The following CAPN15 variants were observed in gnomAD, a reference collection of about 807,000 sequenced individuals.
CAPN15 encodes the protein calpain 15.
A neutral mutation model predicts 97.9 loss-of-function variants in CAPN15; 53 were observed. The observed-to-expected ratio is 0.54, with a 90% CI of 0.43 to 0.68. The LOEUF (loss-of-function observed/expected upper bound fraction) is 0.68, where lower values mean the gene tolerates loss of function less well. Ranked by LOEUF, CAPN15 falls within the 30% of genes least tolerant of loss-of-function variation. CAPN15 has a pLI of 0.00. For missense variants in CAPN15, 1,592 were observed against 1,589.8 expected (o/e 1.00, Z -0.02); for synonymous variants, 922 against 722.5 (o/e 1.28, Z -4.43).
Position 549,462 on chromosome 16 carries a change from C to T in CAPN15, c.1833C>T (p.Leu611=). The change falls in exon 6 of 14, where the codon CTC becomes CTT. Residue 611 remains leucine, a synonymous_variant. Transcript: ENST00000219611. ...CCTGTGATGAGGCCGGCTGCCTCCT[C>T]TTCTCACAGGTGGGGCGGCCTGCAG... ...MLPCDEAGCL[L]FSQAQRKQLW... 1 of 1,592,364 alleles carries T rather than the reference C, an allele frequency of 6.3e-7. No individual in the cohort carries two copies. The highest frequency in any genetic ancestry group is 8.5e-7 in the Non-Finnish European group (1 of 1,175,742).
rs753825821 is a variant in CAPN15 at position 552,521 on chromosome 16, G to A, written c.2728G>A (p.Ala910Thr). Residue 910 changes from alanine to threonine, a missense_variant, in exon 11 of 14, where the codon GCC (alanine) becomes ACC (threonine). By Grantham distance (58) the Ala-to-Thr change is moderately conservative. Around this residue, in one of 3 missense-constraint regions of CAPN15, gnomAD observed 644 missense variants for 699.6 expected, o/e 0.92. Transcript: ENST00000219611. The surrounding 1 kb of genome is among the most constrained non-coding windows in gnomAD (Gnocchi z 6.4). ...GGGGCCGCCCCTGCCGGGCACCCCT[G>A]CCCCCCAGGGTACGTGGCCCCTACC... ...HWGPPLPGTPAPQASSPSAGV... is the reference protein window; with the variant it reads ...HWGPPLPGTPTPQASSPSAGV... 6.2e-7 allele frequency: 1 copy of A among 1,601,156 alleles called. No homozygotes were observed. Among genetic ancestry groups the A allele is most frequent in the South Asian group, 1.1e-5 (1 of 90,660 alleles).
In CAPN15 at chr16:548,080, C is replaced by A; in HGVS notation, c.1242C>A (p.Gly414=). ...CCCGCGTCCTGCCCGAGCGCCCGGG[C>A]CAGTGGGCCTGCCCTGCCTGTACCC... The part of the protein sequence containing the change: ...KAARVLPERP[G]QWACPACTLL... The change falls in exon 4 of 14, where the codon GGC becomes GGA. Residue 414 remains glycine (G), a synonymous_variant. Transcript: ENST00000219611. 6.5e-7 allele frequency: 1 copy of A among 1,539,620 alleles called. No individual in the cohort carries two copies. The highest frequency in any genetic ancestry group is 8.7e-7 in the Non-Finnish European group (1 of 1,143,182).
At position 548,006 on chromosome 16, in the gene CAPN15, A is replaced by T. The variant is rs1416790384; in HGVS notation, c.1168A>T (p.Ser390Cys). 47 of 1,578,168 alleles carry T rather than the reference A, an allele frequency of 3.0e-5. No individual in the cohort carries two copies. Among genetic ancestry groups the T allele is most frequent in the Non-Finnish European group, 3.7e-5 (43 of 1,164,166 alleles). ...HCPDCGADKP[S>C]PCGRSCGRVS... ...CCCCGACTGTGGGGCCGACAAGCCCAGCCCCTGCGGCAGAAGCTGCGGACG... is the reference window on the plus strand; with the variant it reads ...CCCCGACTGTGGGGCCGACAAGCCCTGCCCCTGCGGCAGAAGCTGCGGACG... The change falls in exon 4 of 14, where the codon AGC (serine) becomes TGC (cysteine). Residue 390 changes from serine to cysteine, a missense_variant. By Grantham distance (112) the Ser-to-Cys change is moderately radical. Around this residue, in one of 3 missense-constraint regions of CAPN15, gnomAD observed 883 missense variants for 776.6 expected, o/e 1.14. Transcript: ENST00000219611.
rs9934492 is a variant in CAPN15, at chr16:541,338, C to G, written c.-23+5196C>G. Among the ~76,000 whole-genome samples the G allele has an allele frequency of 2.6e-5, 4 of 150,980 alleles. No homozygotes were observed. In the East Asian group the frequency reaches 7.8e-4, roughly 29 times the overall value. On this transcript the variant is annotated intron_variant, in intron 3 of 13. Coordinates refer to ENST00000219611, the MANE Select transcript of CAPN15 (RefSeq NM_005632.3). ...CTGGAGCCCTGTCTGCGAGTTACCC[C>G]GATGAACAGGGAGACGCGGCAGAGG...
At chr16:543,087 A>G (rs1026269891) in intron 3 of CAPN15, among the ~76,000 whole-genome samples, 3 of 152,062 alleles carry the variant, frequency 2.0e-5, no homozygotes, top group African/African-American at 2.4e-5. Context: ...GGGAGGGTCC[A>G]GGCTGCAATG....
intron 1 of CAPN15, among the ~76,000 whole-genome samples, chr16:528,355 C>T (rs1184281613): frequency 6.6e-6 from 1 of 152,212 alleles, no homozygotes; most frequent in East Asian, 1.9e-4. Context: ...CCGGAGGCGG[C>T]CTCGGCCCTG....
In CAPN15 at chr16:549,695, G is replaced by A. The variant is rs202164006; in HGVS notation, c.1923G>A (p.Ala641=). 226 of 1,563,484 alleles carry A rather than the reference G, an allele frequency of 1.4e-4. No homozygotes were observed. Among genetic ancestry groups the A allele is most frequent in the East Asian group, 7.7e-4 (32 of 41,690 alleles). Residue 641 remains alanine, a synonymous_variant, in exon 7 of 14, where the codon GCG becomes GCA. Transcript: ENST00000219611. The part of the protein sequence containing the change: ...KLHGSYFALQ[A]GRAIEGLATL... ...ACGGCTCCTACTTTGCGCTCCAGGCGGGCCGCGCCATCGAAGGCCTGGCCA... is the reference window on the plus strand; with the variant it reads ...ACGGCTCCTACTTTGCGCTCCAGGCAGGCCGCGCCATCGAAGGCCTGGCCA...
At chr16:546,718 T>G (rs2034609712) in intron 3 of CAPN15, 99 bp from the exon 4 acceptor site, 2 of 1,426,588 alleles carry the variant, frequency 1.4e-6, no homozygotes, top group Non-Finnish European at 1.9e-6. Context: ...CCCGTAGCTC[T>G]GCAGCCACAG....
At chr16:531,181 T>C (rs1305575853) in intron 1 of CAPN15, among the ~76,000 whole-genome samples, 1 of 152,192 alleles carries the variant, frequency 6.6e-6, no homozygotes, top group African/African-American at 2.4e-5. Flanking sequence ...TTCAAAAAGT[T>C]GCCCTTTATT....
chr16:541,055 A>C (rs2034077085), intron 3 of CAPN15, among the ~76,000 whole-genome samples: 1 of 152,232 alleles, frequency 6.6e-6, no homozygotes, highest in Non-Finnish European at 1.5e-5. Flanking sequence ...TGGCTTCTGA[A>C]GGCAATGTGC....
In CAPN15 at chr16:553,556, C is replaced by T. The variant is rs1427020258; in HGVS notation, c.*40C>T. 2.2e-6 allele frequency: 3 copies of T among 1,337,478 alleles called. No individual in the cohort carries two copies. The highest frequency in any genetic ancestry group is 3.1e-6 in the Non-Finnish European group (3 of 955,480). 82.9% of individuals were successfully genotyped at this position (1,337,478 alleles called of 1,614,324 possible). A position where few individuals can be genotyped will look rare whatever the true frequency, so the allele number is the denominator to read the frequency against. ...GCAGGGGCTGTGCACAGACGGACCC[C>T]CCACCCCCACACGCACTTTATGAGG... On this transcript the variant is annotated 3_prime_UTR_variant, in exon 14 of 14. Coordinates refer to ENST00000219611, the MANE Select transcript of CAPN15 (RefSeq NM_005632.3).
rs769573778 is a variant in CAPN15, at chr16:546,803, A to T, written c.-22-14A>T. 89 of 1,566,612 alleles carry T rather than the reference A, an allele frequency of 5.7e-5. No homozygotes were observed. In the East Asian group the frequency reaches 1.9e-3, roughly 33 times the overall value. On this transcript the variant is annotated splice_polypyrimidine_tract_variant and intron_variant, in intron 3 of 13. Transcript: ENST00000219611. ...ACCTCACAGGGTGGCCCTGATGAGC[A>T]CCTTCCCTTGCAGCCACACCCACTC...
intron 1 of CAPN15, among the ~76,000 whole-genome samples, chr16:531,769 C>A (rs116717478): frequency 6.6e-6 from 1 of 151,426 alleles, no homozygotes; most frequent in Admixed American, 6.6e-5. Flanking sequence ...TCCCAAGGCC[C>A]CCGTCCCCTT....
rs1350578724 is a variant in CAPN15, at chr16:547,664, C to A, written c.826C>A (p.Gln276Lys). The change falls in exon 4 of 14, where the codon CAG becomes AAG. Residue 276 changes from glutamine (Q) to lysine (K), a missense_variant. By Grantham distance (53) the Gln-to-Lys change is moderately conservative (BLOSUM62 1). Transcript: ENST00000219611. ...SPSAGCRGAP[Q>K]GSGWAGASRL... is the part of the protein sequence containing the mutation. ...CTCTGCCGGCTGCAGGGGAGCCCCC[C>A]AGGGCTCGGGCTGGGCTGGGGCCTC... 3.2e-6 allele frequency: 5 copies of A among 1,579,134 alleles called. No homozygotes were observed. Among genetic ancestry groups the A allele is most frequent in the East Asian group, 2.3e-5 (1 of 44,154 alleles).
rs1218910741 is a variant in CAPN15, at chr16:535,611, C to T, written c.-136-418C>T. ...GCTGCACAGTTGGACTTGTGGGGGT[C>T]AGGCATGGATCCACACAGCCCGGGG... On this transcript the variant is annotated intron_variant, in intron 2 of 13. Coordinates refer to ENST00000219611, the MANE Select transcript of CAPN15 (RefSeq NM_005632.3). The surrounding 1 kb of genome is among the most constrained non-coding windows in gnomAD (Gnocchi z 6.2). 6.6e-6 allele frequency among the ~76,000 whole-genome samples: 1 copy of T among 152,102 alleles called. No individual in the cohort carries two copies. Among genetic ancestry groups the T allele is most frequent in the Non-Finnish European group, 1.5e-5 (1 of 67,994 alleles).
At chr16:530,487 C>A (rs1394581691) in intron 1 of CAPN15, among the ~76,000 whole-genome samples, 1 of 152,228 alleles carries the variant, frequency 6.6e-6, no homozygotes, top group East Asian at 1.9e-4. Context: ...CGGCCTGTTT[C>A]TGAGTCTGAG....
At position 548,109 on chromosome 16, in the gene CAPN15, T is replaced by C; in HGVS notation, c.1271T>C (p.Leu424Pro). The change falls in exon 4 of 14, where the codon CTC (leucine) becomes CCC (proline). Residue 424 changes from leucine to proline, a missense_variant. Physicochemically the swap from Leu to Pro is moderately conservative, Grantham distance 98 (BLOSUM62 -3). Coordinates refer to ENST00000219611, the MANE Select transcript of CAPN15 (RefSeq NM_005632.3). ...TGGGCCTGCCCTGCCTGTACCCTGC[T>C]CAACGCACTGCGGGCCAAGCACTGC... ...GQWACPACTL[L>P]NALRAKHCAA... is the part of the protein sequence containing the mutation. 6.5e-7 allele frequency: 1 copy of C among 1,539,560 alleles called. No individual in the cohort carries two copies.
rs1567154096 is a variant in CAPN15 at position 549,148 on chromosome 16, G to C, written c.1605G>C (p.Val535=). 1 of 1,580,280 alleles carries C rather than the reference G, an allele frequency of 6.3e-7. No individual in the cohort carries two copies. Among genetic ancestry groups the C allele is most frequent in the African/African-American group, 1.4e-5 (1 of 71,678 alleles). Residue 535 remains valine, a synonymous_variant, in exon 5 of 14, where the codon GTG becomes GTC. Coordinates refer to ENST00000219611, the MANE Select transcript of CAPN15 (RefSeq NM_005632.3). ...GGGACCACAGGGCCACGTGGTCTGT[G>C]TTCCACACACTGCGGCCCTCAGACA... ...VFRDHRATWS[V]FHTLRPSDIL...
At position 547,655 on chromosome 16, in the gene CAPN15, G is replaced by A; in HGVS notation, c.817G>A (p.Gly273Arg). Residue 273 changes from glycine to arginine, a missense_variant, in exon 4 of 14, where the codon GGA (glycine) becomes AGA (arginine). Coordinates refer to ENST00000219611, the MANE Select transcript of CAPN15 (RefSeq NM_005632.3). ...GCCGTCACCCTCTGCCGGCTGCAGG[G>A]GAGCCCCCCAGGGCTCGGGCTGGGC... ...AQPSPSAGCR[G>R]APQGSGWAGA... 6.4e-7 allele frequency: 1 copy of A among 1,573,544 alleles called. No homozygotes were observed. Among genetic ancestry groups the A allele is most frequent in the Non-Finnish European group, 8.6e-7 (1 of 1,159,626 alleles).
Sources: allele counts gnomAD v4.1 joint callset (sites outside exome capture counted in the v4.1 genomes callset), GRCh38; gene constraint gnomAD v4.1.1; regional missense constraint gnomAD v4.1.1; non-coding constraint Gnocchi (gnomAD v3.1); transcripts MANE v1.5; gene names NCBI Gene and HGNC (gene_info 2026-07-23, HGNC 2026-07-21).